ARHGAP23: variants seen among roughly 807,000 people sequenced by gnomAD.
ARHGAP23 encodes the protein rho GTPase-activating protein 23.
ARHGAP23 carries 34 observed loss-of-function variants against 136.3 expected under a neutral mutation model. The observed-to-expected ratio is 0.25, with a 90% CI of 0.19 to 0.33. The LOEUF is 0.33. Ranked by LOEUF, ARHGAP23 falls within the 10% of genes least tolerant of loss-of-function variation. The probability of loss-of-function intolerance (pLI) is 1.00; values close to 1 mark genes in which losing one functional copy is unlikely to be tolerated. For synonymous variants in ARHGAP23, 832 were observed against 920.5 expected, an observed-to-expected ratio of 0.90 and a Z score of 1.74; for missense variants, 1,808 against 2,139.0, an observed-to-expected ratio of 0.85 and a Z score of 3.05.
intron 20 of ARHGAP23, among the ~76,000 whole-genome samples, chr17:38,492,189 G>GAAACCA (rs1378284574): frequency 1.3e-5 from 2 of 152,198 alleles, no homozygotes; most frequent in Admixed American, 1.3e-4. Context: ...GGCCAGCAGA[G>GAAACCA]GGCGCAGAAG....
chr17:38,485,805 G>T (rs956466175), intron 16 of ARHGAP23, among the ~76,000 whole-genome samples: 1 of 152,228 alleles, frequency 6.6e-6, no homozygotes, highest in African/African-American at 2.4e-5. Context: ...CAGTGCCTGG[G>T]ACTTTCTGTG....
Position 38,464,592 on chromosome 17 carries a change from G to C in ARHGAP23, c.483+1210G>C, listed in dbSNP as rs570724678. Among the ~76,000 whole-genome samples, 127 of 152,334 alleles carry C rather than the reference G, an allele frequency of 8.3e-4. 2 individuals are homozygous for C. In the South Asian group the frequency reaches 0.025, roughly 30 times the overall value. On this transcript the variant is annotated intron_variant, in intron 6 of 23. Transcript: ENST00000622683. Reference sequence around the variant, plus strand: ...CTTCCTGGGGAGAGGGAGGAAGGAGGGGGGGATCTGAGGTGGACTGCTTAC... The same window carrying C: ...CTTCCTGGGGAGAGGGAGGAAGGAGCGGGGGATCTGAGGTGGACTGCTTAC...
intron 1 of ARHGAP23, among the ~76,000 whole-genome samples, chr17:38,430,791 T>A (rs2038670049): frequency 6.6e-6 from 1 of 152,188 alleles, no homozygotes; most frequent in South Asian, 2.1e-4. Context: ...TCATTGGAGA[T>A]ATCAAATATT....
At chr17:38,487,374 T>C (rs942777109) in intron 17 of ARHGAP23, among the ~76,000 whole-genome samples, 1 of 152,232 alleles carries the variant, frequency 6.6e-6, no homozygotes. Context: ...TGGCTTTCCT[T>C]GAATAAGTCC....
intron 16 of ARHGAP23, among the ~76,000 whole-genome samples, chr17:38,483,854 C>T (rs1295642273): frequency 1.3e-5 from 2 of 152,028 alleles, no homozygotes; most frequent in African/African-American, 2.4e-5. Flanking sequence ...GGGTGTGAGA[C>T]GATGGCATTT....
chr17:38,510,962 A>T lies in ARHGAP23; in HGVS notation c.4466A>T (p.Gln1489Leu). 1 of 1,448,112 alleles carries T rather than the reference A, an allele frequency of 6.9e-7. No individual in the cohort carries two copies. The highest frequency in any genetic ancestry group is 1.4e-5 in the South Asian group (1 of 71,674). 89.7% of individuals were successfully genotyped at this position (1,448,112 alleles called of 1,614,324 possible). A position where few individuals can be genotyped will look rare whatever the true frequency, so the allele number is the denominator to read the frequency against. Residue 1489 changes from glutamine (Q) to leucine (L), a missense_variant, in exon 24 of 24, where the codon CAG becomes CTG. Physicochemically the swap from Gln to Leu is moderately radical, Grantham distance 113 (BLOSUM62 -2). This residue lies in a region of ARHGAP23 where 506 missense variants were observed against 455.8 expected (regional missense o/e 1.11). Transcript: ENST00000622683. The surrounding 1 kb of genome is among the most constrained non-coding windows in gnomAD (Gnocchi z 4.6). ...PRRSAASRLH[Q>L]CL is the part of the protein sequence containing the mutation. ...CGCTCGGCCGCCTCCCGCCTGCATCAGTGTCTGTGATCCCCACCTCCCGCG... is the reference window on the plus strand; with the variant it reads ...CGCTCGGCCGCCTCCCGCCTGCATCTGTGTCTGTGATCCCCACCTCCCGCG...
chr17:38,470,137 C>T (rs1171968979), intron 10 of ARHGAP23, among the ~76,000 whole-genome samples: 1 of 152,238 alleles, frequency 6.6e-6, no homozygotes, highest in African/African-American at 2.4e-5. Flanking sequence ...TCTGGACTGC[C>T]TCTTTCCAGA....
intron 1 of ARHGAP23, among the ~76,000 whole-genome samples, chr17:38,456,900 C>A (rs1169258963): frequency 6.6e-6 from 1 of 152,072 alleles, no homozygotes; most frequent in Non-Finnish European, 1.5e-5. Context: ...GCTTTAGTGT[C>A]TCTGAAACCT....
At chr17:38,475,252 G>A (rs1567808426) in intron 11 of ARHGAP23, among the ~76,000 whole-genome samples, 3 of 152,316 alleles carry the variant, frequency 2.0e-5, no homozygotes, top group East Asian at 1.9e-4. Context: ...ACTTGTCCCC[G>A]CAGCCTCAGC....
At chr17:38,480,000 G>A (rs2039997334) in intron 14 of ARHGAP23, 117 bp downstream of exon 14, 1 of 1,408,544 alleles carries the variant, frequency 7.1e-7, no homozygotes, top group South Asian at 1.4e-5. Context: ...TGTGTGCCAG[G>A]GCTACCGGTA....
intron 6 of ARHGAP23, among the ~76,000 whole-genome samples, chr17:38,463,617 G>A (rs1305978287): frequency 6.6e-6 from 1 of 152,158 alleles, no homozygotes; most frequent in Non-Finnish European, 1.5e-5. Flanking sequence ...TATCTGGAAG[G>A]AGGGTGGCCC....
chr17:38,485,865 G>T (rs2040148294), intron 16 of ARHGAP23, among the ~76,000 whole-genome samples, 197 bp from the exon 17 acceptor site: 1 of 152,198 alleles, frequency 6.6e-6, no homozygotes, highest in Non-Finnish European at 1.5e-5. Flanking sequence ...GGAGGGGCTG[G>T]GGCCAAGTGT....
chr17:38,480,878 C>T (rs1382363224), intron 14 of ARHGAP23, among the ~76,000 whole-genome samples: 1 of 151,642 alleles, frequency 6.6e-6, no homozygotes, highest in African/African-American at 2.4e-5. Flanking sequence ...ACCTATAATC[C>T]CAGCATCATT....
chr17:38,507,637 A>C (rs960669586), intron 23 of ARHGAP23, among the ~76,000 whole-genome samples: 3 of 152,100 alleles, frequency 2.0e-5, no homozygotes, highest in African/African-American at 7.2e-5. Flanking sequence ...GCGGCCTCTT[A>C]AGTCTCTCAG....
chr17:38,424,085 G>C (rs533648334), upstream of ARHGAP23, among the ~76,000 whole-genome samples: 10 of 150,538 alleles, frequency 6.6e-5, no homozygotes, highest in East Asian at 1.9e-3. Context: ...ACAGCTACTG[G>C]GGGCTGGGGC....
At chr17:38,445,382 C>G (rs1488994679) in intron 1 of ARHGAP23, among the ~76,000 whole-genome samples, 1 of 150,512 alleles carries the variant, frequency 6.6e-6, no homozygotes, top group Admixed American at 6.6e-5. Flanking sequence ...GAGGCTGAGG[C>G]AGGAGAATCG....
chr17:38,432,397 G>A (rs577259890), intron 1 of ARHGAP23, among the ~76,000 whole-genome samples: 1 of 151,718 alleles, frequency 6.6e-6, no homozygotes, highest in African/African-American at 2.4e-5. Flanking sequence ...AAATTAGCTG[G>A]GGCCAGGAGC....
chr17:38,431,477 T>C (rs1011538454), intron 1 of ARHGAP23, among the ~76,000 whole-genome samples: 2 of 152,152 alleles, frequency 1.3e-5, no homozygotes, highest in African/African-American at 4.8e-5. Flanking sequence ...TGGGAGCTGG[T>C]GCTGCCTTTC....
chr17:38,480,672 T>C (rs1166953604), intron 14 of ARHGAP23, among the ~76,000 whole-genome samples: 2 of 149,906 alleles, frequency 1.3e-5, no homozygotes, highest in African/African-American at 2.5e-5. Context: ...GGCGTGGTGG[T>C]GTGCGCCTGT....
Sources: allele counts gnomAD v4.1 joint callset (sites outside exome capture counted in the v4.1 genomes callset), GRCh38; gene constraint gnomAD v4.1.1; regional missense constraint gnomAD v4.1.1; non-coding constraint Gnocchi (gnomAD v3.1); transcripts MANE v1.5; gene names NCBI Gene and HGNC (gene_info 2026-07-23, HGNC 2026-07-21).